The following CADM2 variants were observed in gnomAD, a reference collection of about 807,000 sequenced individuals.
CADM2 encodes the protein cell adhesion molecule 2.
CADM2 carries 12 observed loss-of-function variants against 49.8 expected under a neutral mutation model. That is an observed-to-expected ratio of 0.24 (90% CI 0.15 to 0.39). The LOEUF (loss-of-function observed/expected upper bound fraction) is 0.39, where lower values mean the gene tolerates loss of function less well. Ranked by LOEUF, CADM2 falls within the 10% of genes least tolerant of loss-of-function variation. The probability of loss-of-function intolerance (pLI) is 1.00; values close to 1 mark genes in which losing one functional copy is unlikely to be tolerated. For synonymous variants in CADM2, 214 were observed against 175.4 expected (o/e 1.22, Z -1.74); for missense variants, 378 against 492.3 (o/e 0.77, Z 2.20).
chr3:85,117,000 A>C (rs1321671316), intron 1 of CADM2, among the ~76,000 whole-genome samples: 1 of 152,040 alleles, frequency 6.6e-6, no homozygotes, highest in Non-Finnish European at 1.5e-5. Context: ...TTCTAGACCA[A>C]CCTGGCCAAC....
chr3:85,306,530 G>A (rs1315752779), intron 1 of CADM2, among the ~76,000 whole-genome samples: 1 of 151,510 alleles, frequency 6.6e-6, no homozygotes, highest in Non-Finnish European at 1.5e-5. Flanking sequence ...CTTTTGACAT[G>A]GAATAGTTTT....
chr3:85,807,792 C>T (rs1019737934), intron 3 of CADM2, among the ~76,000 whole-genome samples: 4 of 151,980 alleles, frequency 2.6e-5, no homozygotes, highest in Non-Finnish European at 5.9e-5. Flanking sequence ...TCATAATATA[C>T]CTTGTCCAGT....
intron 3 of CADM2, among the ~76,000 whole-genome samples, chr3:85,832,235 T>G (rs547992474): frequency 6.6e-6 from 1 of 152,150 alleles, no homozygotes; most frequent in South Asian, 2.1e-4. Flanking sequence ...TAGTGTAGTT[T>G]GCAGTCAGGT....
intron 1 of CADM2, among the ~76,000 whole-genome samples, chr3:85,047,583 A>G (rs2035716342): frequency 6.6e-6 from 1 of 152,178 alleles, no homozygotes; most frequent in Admixed American, 6.6e-5. Flanking sequence ...GTATGCTAGA[A>G]ACAAGGCTAA....
At chr3:85,286,600 T>A (rs928787874) in intron 1 of CADM2, among the ~76,000 whole-genome samples, 4 of 152,142 alleles carry the variant, frequency 2.6e-5, no homozygotes, top group African/African-American at 7.2e-5. Context: ...CTAAAGTCAC[T>A]CAGGAACCTC....
chr3:85,849,379 G>C (rs367600091), intron 3 of CADM2, among the ~76,000 whole-genome samples: 6 of 152,218 alleles, frequency 3.9e-5, no homozygotes, highest in East Asian at 3.9e-4. Flanking sequence ...TACTGAATTA[G>C]CTATTTCTAT....
At chr3:85,670,900 A>C (rs1272342991) in intron 1 of CADM2, among the ~76,000 whole-genome samples, 1 of 151,998 alleles carries the variant, frequency 6.6e-6, no homozygotes, top group African/African-American at 2.4e-5. Context: ...CCCAAGTTTA[A>C]TTGCTTGGGT....
At chr3:86,002,320 G>T (rs552942633) in intron 8 of CADM2, among the ~76,000 whole-genome samples, 1 of 152,220 alleles carries the variant, frequency 6.6e-6, no homozygotes, top group East Asian at 1.9e-4. Context: ...GAATTAACAT[G>T]CAAGGTTATT....
intron 1 of CADM2, among the ~76,000 whole-genome samples, chr3:85,349,451 G>A (rs953702901): frequency 6.6e-6 from 1 of 152,074 alleles, no homozygotes; most frequent in Non-Finnish European, 1.5e-5. Context: ...CTAAAGCTAA[G>A]TTTTTGTTTT....
intron 1 of CADM2, among the ~76,000 whole-genome samples, chr3:85,063,822 A>G (rs2036424927): frequency 6.6e-6 from 1 of 152,096 alleles, no homozygotes; most frequent in Non-Finnish European, 1.5e-5. Flanking sequence ...GGTATATTAA[A>G]ACTCATTAGA....
intron 8 of CADM2, chr3:85,992,060 C>T (rs1728836886): frequency 6.6e-6 from 1 of 151,718 alleles, no homozygotes; most frequent in Non-Finnish European, 1.5e-5. Context: ...TCGCTTCTTA[C>T]TTAGTGTATT....
chr3:85,587,992 C>G (rs1246051963), intron 1 of CADM2, among the ~76,000 whole-genome samples: 1 of 151,968 alleles, frequency 6.6e-6, no homozygotes, highest in Non-Finnish European at 1.5e-5. Context: ...GTTTCCAATT[C>G]CTGGGCTCAA....
At chr3:85,992,577 A>G (rs1728910822) in intron 8 of CADM2, 1 of 152,198 alleles carries the variant, frequency 6.6e-6, no homozygotes, top group Non-Finnish European at 1.5e-5. Context: ...AGCACATATT[A>G]CAATATCATG....
intron 1 of CADM2, among the ~76,000 whole-genome samples, chr3:85,575,088 G>T (rs1387105450): frequency 6.6e-6 from 1 of 152,132 alleles, no homozygotes; most frequent in East Asian, 1.9e-4. Context: ...GCCTGAGAAA[G>T]AAATTAAGAT....
At chr3:86,026,920 A>C (rs1397314062) in intron 8 of CADM2, among the ~76,000 whole-genome samples, 1 of 152,196 alleles carries the variant, frequency 6.6e-6, no homozygotes, top group Non-Finnish European at 1.5e-5. Flanking sequence ...TAACTTGGTT[A>C]GGCAAGAACC....
At chr3:85,393,029 G>C (rs989241563) in intron 1 of CADM2, among the ~76,000 whole-genome samples, 2 of 150,600 alleles carry the variant, frequency 1.3e-5, no homozygotes, top group African/African-American at 4.9e-5. Flanking sequence ...AACAATTTCA[G>C]GGATGCAGTT....
chr3:85,509,879 T>A (rs2040532614), intron 1 of CADM2, among the ~76,000 whole-genome samples: 1 of 152,060 alleles, frequency 6.6e-6, no homozygotes, highest in Non-Finnish European at 1.5e-5. Context: ...ATATAGTATT[T>A]AGCTTATTAT....
intron 1 of CADM2, among the ~76,000 whole-genome samples, chr3:85,153,283 G>A (rs2039991520): frequency 6.6e-6 from 1 of 152,228 alleles, no homozygotes; most frequent in South Asian, 2.1e-4. Flanking sequence ...GAAGTGCAAG[G>A]GGTCAGGGAG....
intron 7 of CADM2, among the ~76,000 whole-genome samples, chr3:85,948,547 T>C (rs1723017943): frequency 2.0e-5 from 3 of 151,346 alleles, no homozygotes; most frequent in South Asian, 4.1e-4. Context: ...ATAATGAAAC[T>C]TGAAAAATTC....
Sources: allele counts gnomAD v4.1 joint callset (sites outside exome capture counted in the v4.1 genomes callset), GRCh38; gene constraint gnomAD v4.1.1; transcripts MANE v1.5; gene names NCBI Gene and HGNC (gene_info 2026-07-23, HGNC 2026-07-21).